CLSTN2: variants seen among roughly 807,000 people sequenced by gnomAD.
CLSTN2 encodes calsyntenin 2.
Under a neutral mutation model 101.2 loss-of-function variants are expected in CLSTN2, and 48 were observed. That is an observed-to-expected ratio of 0.47 (90% confidence interval 0.38 to 0.60). The LOEUF (loss-of-function observed/expected upper bound fraction) is 0.60. CLSTN2 is among the 20% of genes least tolerant of loss of function. The probability of loss-of-function intolerance (pLI) is 0.00; values close to 1 mark genes in which losing one functional copy is unlikely to be tolerated. For synonymous variants in CLSTN2, 481 were observed against 463.6 expected, an observed-to-expected ratio of 1.04 and a Z score of -0.48; for missense variants, 1,160 against 1,238.2, an observed-to-expected ratio of 0.94 and a Z score of 0.95.
intron 1 of CLSTN2, among the ~76,000 whole-genome samples, chr3:139,941,921 G>A (rs1471580057): frequency 6.6e-6 from 1 of 152,180 alleles, no homozygotes; most frequent in Non-Finnish European, 1.5e-5. Context: ...CCCTATGAAG[G>A]AGGTAAATCT....
intron 6 of CLSTN2, among the ~76,000 whole-genome samples, chr3:140,458,026 C>G (rs886365560): frequency 1.5e-4 from 23 of 152,198 alleles, no homozygotes; most frequent in Non-Finnish European, 1.9e-4. Context: ...CCTTCTATTG[C>G]TACCCAATGG....
chr3:140,480,214 C>T (rs1270027209), intron 8 of CLSTN2, among the ~76,000 whole-genome samples: 8 of 151,900 alleles, frequency 5.3e-5, no homozygotes, highest in Middle Eastern at 3.4e-3. Flanking sequence ...TTTCTCCTTG[C>T]GATAGTTTGC....
chr3:140,236,387 C>T (rs577558812), intron 2 of CLSTN2, among the ~76,000 whole-genome samples: 7 of 151,940 alleles, frequency 4.6e-5, no homozygotes, highest in Non-Finnish European at 8.8e-5. Context: ...TGTAATTTGC[C>T]TTTTTATGGC....
intron 2 of CLSTN2, among the ~76,000 whole-genome samples, chr3:140,387,633 A>G (rs996213961): frequency 6.6e-6 from 1 of 152,240 alleles, no homozygotes; most frequent in Admixed American, 6.5e-5. Context: ...GCCCTTGTCA[A>G]GCAGGTATGG....
chr3:140,483,101 C>T (rs937897465), intron 8 of CLSTN2, among the ~76,000 whole-genome samples: 9 of 152,256 alleles, frequency 5.9e-5, no homozygotes, highest in Admixed American at 5.2e-4. Context: ...TTTCCCTCTA[C>T]ACACTGCTTT....
chr3:140,182,470 T>A (rs34841490), intron 2 of CLSTN2, among the ~76,000 whole-genome samples: 14,723 of 152,172 alleles, frequency 0.097, 873 homozygotes, highest in Non-Finnish European at 0.13. Context: ...CCTTCTTCAG[T>A]CTGTCCTGCC....
At chr3:140,229,631 G>A (rs1454019556) in intron 2 of CLSTN2, among the ~76,000 whole-genome samples, 1 of 151,930 alleles carries the variant, frequency 6.6e-6, no homozygotes, top group Non-Finnish European at 1.5e-5. Context: ...CAAGGAAATA[G>A]GTACCTGAGT....
At chr3:140,514,245 C>A (rs1438461878) in intron 8 of CLSTN2, among the ~76,000 whole-genome samples, 1 of 152,098 alleles carries the variant, frequency 6.6e-6, no homozygotes, top group Non-Finnish European at 1.5e-5. Flanking sequence ...ATCATCCAAG[C>A]AGTATACACT....
At chr3:140,304,515 C>A (rs1046585339) in intron 2 of CLSTN2, among the ~76,000 whole-genome samples, 2 of 152,162 alleles carry the variant, frequency 1.3e-5, no homozygotes, top group Non-Finnish European at 2.9e-5. Context: ...CTTATAAGGA[C>A]ACTAATCCCA....
chr3:140,005,776 C>T (rs2006941678), intron 1 of CLSTN2, among the ~76,000 whole-genome samples: 1 of 152,180 alleles, frequency 6.6e-6, no homozygotes, highest in African/African-American at 2.4e-5. Context: ...AGCAGCAGAT[C>T]TTGACTTGGG....
At chr3:140,543,971 G>A (rs1050658197) in intron 9 of CLSTN2, among the ~76,000 whole-genome samples, 6 of 152,184 alleles carry the variant, frequency 3.9e-5, no homozygotes, top group African/African-American at 1.4e-4. Flanking sequence ...ACTAAAGACA[G>A]TCTGTCTCTG....
intron 1 of CLSTN2, among the ~76,000 whole-genome samples, chr3:140,067,276 A>G (rs2008315632): frequency 6.6e-6 from 1 of 152,134 alleles, no homozygotes; most frequent in South Asian, 2.1e-4. Flanking sequence ...ACCTTTCTCA[A>G]TTTGAAAACA....
chr3:140,194,206 G>A lies in CLSTN2; in HGVS notation c.232+18133G>A, dbSNP rs116134963. On this transcript the variant is annotated intron_variant, in intron 2 of 16. Coordinates refer to ENST00000458420, the MANE Select transcript of CLSTN2 (RefSeq NM_022131.3). ...TTTTTGTAGTTCTGGAGTTTGAGAAGTCCAAGATCAAGGTGCTGTCAGTGC... is the reference window on the plus strand; with the variant it reads ...TTTTTGTAGTTCTGGAGTTTGAGAAATCCAAGATCAAGGTGCTGTCAGTGC... Among the ~76,000 whole-genome samples the A allele has an allele frequency of 6.9e-3, 1,046 of 152,254 alleles. 11 individuals are homozygous for A. The highest frequency in any genetic ancestry group is 0.034 in the Middle Eastern group (10 of 294).
chr3:140,552,504 G>A (rs1253438751), intron 10 of CLSTN2, among the ~76,000 whole-genome samples: 7 of 151,988 alleles, frequency 4.6e-5, no homozygotes, highest in South Asian at 2.1e-4. Flanking sequence ...TTCATGCGCT[G>A]TGACAGACCT....
chr3:140,429,365 T>G (rs2088604531), intron 5 of CLSTN2, among the ~76,000 whole-genome samples: 1 of 152,236 alleles, frequency 6.6e-6, no homozygotes, highest in Non-Finnish European at 1.5e-5. Context: ...AGGGGATACT[T>G]AACCTTGGAC....
At chr3:140,011,880 G>A (rs1465538941) in intron 1 of CLSTN2, among the ~76,000 whole-genome samples, 2 of 152,094 alleles carry the variant, frequency 1.3e-5, no homozygotes, top group Non-Finnish European at 2.9e-5. Context: ...TGAGGGAAAG[G>A]ACCCCAGATC....
chr3:139,943,802 G>C (rs547879305), intron 1 of CLSTN2, among the ~76,000 whole-genome samples: 3 of 152,174 alleles, frequency 2.0e-5, no homozygotes, highest in Non-Finnish European at 2.9e-5. Flanking sequence ...CATAACCTCA[G>C]TTAGGGGCTC....
At chr3:140,307,366 T>G (rs1395001522) in intron 2 of CLSTN2, among the ~76,000 whole-genome samples, 1 of 152,172 alleles carries the variant, frequency 6.6e-6, no homozygotes, top group Non-Finnish European at 1.5e-5. Flanking sequence ...CCCTTCCTCC[T>G]GGGCACTCCT....
At chr3:140,157,838 G>A (rs1335543646) in intron 1 of CLSTN2, among the ~76,000 whole-genome samples, 1 of 152,018 alleles carries the variant, frequency 6.6e-6, no homozygotes, top group African/African-American at 2.4e-5. Flanking sequence ...TTTATTCCTG[G>A]GATGCAAGGC....
Sources: allele counts gnomAD v4.1 joint callset (sites outside exome capture counted in the v4.1 genomes callset), GRCh38; gene constraint gnomAD v4.1.1; transcripts MANE v1.5; gene names NCBI Gene and HGNC (gene_info 2026-07-23, HGNC 2026-07-21).